Variants in ADCY5 observed in about 807,000 individuals in gnomAD.
ADCY5 encodes adenylate cyclase type 5.
In ADCY5, 30 loss-of-function variants were observed where a neutral mutation model predicts 119.7. That is an observed-to-expected ratio of 0.25 (90% confidence interval 0.19 to 0.34). The LOEUF (loss-of-function observed/expected upper bound fraction) is 0.34, where lower values mean the gene tolerates loss of function less well. ADCY5 is among the 10% of genes least tolerant of loss of function. ADCY5 has a pLI of 1.00. For synonymous variants in ADCY5, 753 were observed against 762.2 expected, an observed-to-expected ratio of 0.99 and a Z score of 0.20; for missense variants, 1,324 against 1,775.2, an observed-to-expected ratio of 0.75 and a Z score of 4.57.
intron 1 of ADCY5, chr3:123,368,112 G>T: frequency 7.6e-7 from 1 of 1,322,188 alleles, no homozygotes; most frequent in South Asian, 1.6e-5. Context: ...AGCCCCAGGG[G>T]CCAGTCTTGT....
At chr3:123,285,075 G>T (rs931424717) in intron 20 of ADCY5, among the ~76,000 whole-genome samples, 6 of 152,208 alleles carry the variant, frequency 3.9e-5, no homozygotes, top group African/African-American at 1.4e-4. Context: ...AAGTGCCGGG[G>T]AGCTTTCAAA....
intron 3 of ADCY5, among the ~76,000 whole-genome samples, chr3:123,337,654 T>C (rs2108437009): frequency 6.6e-6 from 1 of 152,358 alleles, no homozygotes; most frequent in African/African-American, 2.4e-5. Context: ...AGGCAGTCTC[T>C]TCTCACAAGT....
intron 1 of ADCY5, among the ~76,000 whole-genome samples, chr3:123,441,292 T>C (rs1248362042): frequency 6.6e-6 from 1 of 152,210 alleles, no homozygotes; most frequent in Non-Finnish European, 1.5e-5. Flanking sequence ...TTTCAAAAAC[T>C]TCCCAGGTGA....
Position 123,448,057 on chromosome 3 carries a change from C to T in ADCY5, c.489G>A (p.Arg163=), listed in dbSNP as rs1576704482. 1.6e-6 allele frequency: 2 copies of T among 1,246,522 alleles called. No homozygotes were observed. The highest frequency in any genetic ancestry group is 1.6e-5 in the African/African-American group (1 of 62,848). The allele number at this position is 1,246,522 out of a possible 1,614,324, so 77.2% of individuals were successfully genotyped here. ...PRSVEVGLEE[R]RGKGRAADEL... ...CGTCGGCCGCGCGCCCCTTGCCCCGCCGCTCCTCCAGACCCACCTCCACCG... is the reference window on the plus strand; with the variant it reads ...CGTCGGCCGCGCGCCCCTTGCCCCGTCGCTCCTCCAGACCCACCTCCACCG... The change falls in exon 1 of 21, where the codon CGG becomes CGA. Residue 163 remains arginine (R), a synonymous_variant. Transcript: ENST00000462833.
rs986088513 is a variant in ADCY5, at chr3:123,286,178, C to A, written c.3657+507G>T. Reference sequence around the variant, plus strand: ...GCCGGGAAACCACAAGCCCAGCTCGCAAAGGAGGGAGCAAGGGGAAAAGGC... The same window carrying A: ...GCCGGGAAACCACAAGCCCAGCTCGAAAAGGAGGGAGCAAGGGGAAAAGGC... On this transcript the variant is annotated intron_variant, in intron 20 of 20. Coordinates refer to ENST00000462833, the MANE Select transcript of ADCY5 (RefSeq NM_183357.3). The surrounding 1 kb of genome is among the most constrained non-coding windows in gnomAD (Gnocchi z 4.2). Among the ~76,000 whole-genome samples the A allele has an allele frequency of 6.6e-6, 1 of 152,152 alleles. No individual in the cohort carries two copies. The highest frequency in any genetic ancestry group is 2.4e-5 in the African/African-American group (1 of 41,436).
intron 11 of ADCY5, 49 bp from the exon 12 acceptor site, chr3:123,314,371 C>T (rs776691930): frequency 2.0e-6 from 3 of 1,470,798 alleles, no homozygotes; most frequent in Non-Finnish European, 2.8e-6. Flanking sequence ...GGTGGCAGGG[C>T]TGCAGCTTCT....
chr3:123,362,531 C>T (rs1943282828), intron 1 of ADCY5, among the ~76,000 whole-genome samples: 1 of 152,148 alleles, frequency 6.6e-6, no homozygotes, highest in African/African-American at 2.4e-5. Context: ...CCTAGGAAGA[C>T]CCCACGCTTT....
rs557713761 is a variant in ADCY5 at position 123,394,451 on chromosome 3, C to T, written c.1135-41870G>A. On this transcript the variant is annotated intron_variant, in intron 1 of 20. Coordinates refer to ENST00000462833, the MANE Select transcript of ADCY5 (RefSeq NM_183357.3). ...TGGGACAAAGTAGCTGTCACTTAGA[C>T]TCCACACTCACATTCATGACTTGAA... Among the ~76,000 whole-genome samples, 4 of 152,318 alleles carry T rather than the reference C, an allele frequency of 2.6e-5. No individual in the cohort carries two copies. In the East Asian group the frequency reaches 7.7e-4, roughly 29 times the overall value.
intron 1 of ADCY5, among the ~76,000 whole-genome samples, chr3:123,392,256 T>C (rs186756935): frequency 1.3e-5 from 2 of 152,240 alleles, no homozygotes; most frequent in Non-Finnish European, 2.9e-5. Flanking sequence ...TCCTTTATAC[T>C]TTTTTAACTT....
chr3:123,369,686 G>C (rs1328651055), intron 1 of ADCY5, among the ~76,000 whole-genome samples: 1 of 152,250 alleles, frequency 6.6e-6, no homozygotes, highest in East Asian at 1.9e-4. Context: ...TGAACAGCAA[G>C]AGGCCTGGAT....
intron 1 of ADCY5, among the ~76,000 whole-genome samples, chr3:123,385,334 CTG>C (rs1044813645): frequency 4.0e-5 from 6 of 151,722 alleles, no homozygotes; most frequent in Non-Finnish European, 8.8e-5. Flanking sequence ...GTGCTGTAGT[CTG>C]TGTGTGGCTG....
In ADCY5 at chr3:123,314,339, G is replaced by A. The variant is rs369277927; in HGVS notation, c.2355-17C>T. 4.3e-5 allele frequency: 69 copies of A among 1,598,790 alleles called. No individual in the cohort carries two copies. The highest frequency in any genetic ancestry group is 5.6e-5 in the Non-Finnish European group (65 of 1,168,118). On this transcript the variant is annotated splice_polypyrimidine_tract_variant and intron_variant, in intron 11 of 20. Transcript: ENST00000462833. ...AATATGGAGCTGGAAGGAGAGAGGA[G>A]GGGAGGGAGAAGCCAGGCTCAGGTG...
At chr3:123,396,904 G>T (rs1944613765) in intron 1 of ADCY5, among the ~76,000 whole-genome samples, 1 of 151,800 alleles carries the variant, frequency 6.6e-6, no homozygotes, top group Non-Finnish European at 1.5e-5. Context: ...GCACACAGGG[G>T]CATGCACGCC....
intron 1 of ADCY5, among the ~76,000 whole-genome samples, chr3:123,367,653 G>C (rs1011362910): frequency 6.6e-6 from 1 of 151,884 alleles, no homozygotes; most frequent in Non-Finnish European, 1.5e-5. Flanking sequence ...GGGGGCTGAC[G>C]AAAGGCTGGA....
rs753015666 is a variant in ADCY5, at chr3:123,318,124, G to C, written c.2257-7C>G. The stretch of plus-strand genomic sequence containing the variant: ...CGTCTACCTGCTTGGAGTACTGAGA[G>C]GAGACGGGCAGGGTGAGAGGGGCCA... On this transcript the variant is annotated splice_polypyrimidine_tract_variant and splice_region_variant and intron_variant, in intron 10 of 20. Coordinates refer to ENST00000462833, the MANE Select transcript of ADCY5 (RefSeq NM_183357.3). 6.2e-7 allele frequency: 1 copy of C among 1,611,694 alleles called. No individual in the cohort carries two copies. The highest frequency in any genetic ancestry group is 8.5e-7 in the Non-Finnish European group (1 of 1,178,684).
intron 1 of ADCY5, chr3:123,368,158 A>G: frequency 1.2e-6 from 1 of 833,316 alleles, no homozygotes; most frequent in East Asian, 2.8e-5. Flanking sequence ...CAGGAATCTG[A>G]ATGCGCTCAT....
intron 5 of ADCY5, among the ~76,000 whole-genome samples, chr3:123,330,100 T>G (rs1941688263): frequency 1.3e-5 from 2 of 152,138 alleles, no homozygotes; most frequent in South Asian, 4.1e-4. Context: ...GCTCTGTGCT[T>G]CCGGGGAGAC....
In ADCY5 at chr3:123,448,075, C is replaced by A. The variant is rs543912318; in HGVS notation, c.471G>T (p.Glu157Asp). 39 of 1,230,808 alleles carry A rather than the reference C, an allele frequency of 3.2e-5. No homozygotes were observed. In the South Asian group the frequency reaches 9.4e-4, roughly 30 times the overall value. The allele number at this position is 1,230,808 out of a possible 1,614,324, so 76.2% of individuals were successfully genotyped here. A position where few individuals can be genotyped will look rare whatever the true frequency, so the allele number is the denominator to read the frequency against. Residue 157 changes from glutamate to aspartate, a missense_variant, in exon 1 of 21, where the codon GAG becomes GAT. This residue lies in a region of ADCY5 where 585 missense variants were observed against 569.9 expected (regional missense o/e 1.03). Coordinates refer to ENST00000462833, the MANE Select transcript of ADCY5 (RefSeq NM_183357.3). ...TGCCCCGCCGCTCCTCCAGACCCAC[C>A]TCCACCGAGCGAGGGCGCACCTCCG... ...GGTEVRPRSV[E>D]VGLEERRGKG...
intron 10 of ADCY5, 130 bp from the exon 11 acceptor site, chr3:123,318,247 A>G: frequency 1.5e-6 from 1 of 657,816 alleles, no homozygotes. Flanking sequence ...CACAACAGGG[A>G]AGACTCGAGA....
Sources: gnomAD v4.1 joint callset for allele counts (sites outside exome capture counted in the v4.1 genomes callset) on GRCh38, gnomAD v4.1.1 for gene constraint, gnomAD v4.1.1 regional missense constraint, Gnocchi (gnomAD v3.1) non-coding constraint, MANE v1.5 for transcripts, NCBI Gene and HGNC (gene_info 2026-07-23, HGNC 2026-07-21) for gene names.